The following ZNF483 variants were observed in gnomAD, a reference collection of about 807,000 sequenced individuals.
ZNF483 encodes zinc finger protein 483, also known as zinc finger protein HIT-10.
A neutral mutation model predicts 28.6 loss-of-function variants in ZNF483; 9 were observed. The observed-to-expected ratio is 0.32, with a 90% CI of 0.19 to 0.55. The LOEUF is 0.55. ZNF483 is among the 20% of genes least tolerant of loss of function. The pLI is 0.93. For missense variants in ZNF483, 675 were observed against 871.7 expected (o/e 0.77, Z 2.84); for synonymous variants, 322 against 306.2 (o/e 1.05, Z -0.54).
Position 111,550,350 on chromosome 9 carries a change from G to C in ZNF483, c.*7180G>C, listed in dbSNP as rs931493252. Among the ~76,000 whole-genome samples, 3 of 152,188 alleles carry C rather than the reference G, an allele frequency of 2.0e-5. No individual in the cohort carries two copies. The highest frequency in any genetic ancestry group is 2.9e-5 in the Non-Finnish European group (2 of 68,036). ...TGCTCTTTCTCTGTGATCAGAAGTAGATATCTGCAATCAGAACCCTGATAT... is the reference window on the plus strand; with the variant it reads ...TGCTCTTTCTCTGTGATCAGAAGTACATATCTGCAATCAGAACCCTGATAT... On this transcript the variant is annotated 3_prime_UTR_variant, in exon 6 of 6. Coordinates refer to ENST00000309235, the MANE Select transcript of ZNF483 (RefSeq NM_133464.5).
intron 2 of ZNF483, among the ~76,000 whole-genome samples, chr9:111,530,232 C>T (rs891280458): frequency 2.6e-5 from 4 of 152,150 alleles, no homozygotes; most frequent in African/African-American, 9.7e-5. Context: ...AAGGACACAG[C>T]TCATGAGAGT....
chr9:111,542,609 A>G lies in ZNF483; in HGVS notation c.1674A>G (p.Lys558=). The G allele has an allele frequency of 6.2e-7, 1 of 1,614,078 alleles. No individual in the cohort carries two copies. The highest frequency in any genetic ancestry group is 8.5e-7 in the Non-Finnish European group (1 of 1,180,000). Residue 558 remains lysine (K), a synonymous_variant, in exon 6 of 6, where the codon AAA becomes AAG. Coordinates refer to ENST00000309235, the MANE Select transcript of ZNF483 (RefSeq NM_133464.5). The surrounding 1 kb of genome is among the most constrained non-coding windows in gnomAD (Gnocchi z 6.2). ...EKPYTCSNCG[K]SFSHSSSLSK... ...CCTATACATGTAGCAATTGTGGAAA[A>G]TCCTTCAGTCATAGCTCATCCCTTT...
intron 1 of ZNF483, 48 bp from the exon 2 acceptor site, chr9:111,527,220 A>G (rs1827204463): frequency 3.3e-6 from 2 of 604,478 alleles, no homozygotes; most frequent in Non-Finnish European, 5.4e-6. Flanking sequence ...TTTAGGACTA[A>G]CAACAGTTTT....
rs1564604185 is a variant in ZNF483 at position 111,553,187 on chromosome 9, CT to C, written c.*10021del. 6.6e-6 allele frequency among the ~76,000 whole-genome samples: 1 copy of C among 152,112 alleles called. No individual in the cohort carries two copies. The highest frequency in any genetic ancestry group is 1.9e-4 in the East Asian group (1 of 5,200). On this transcript the variant is annotated 3_prime_UTR_variant, in exon 6 of 6. Coordinates refer to ENST00000309235, the MANE Select transcript of ZNF483 (RefSeq NM_133464.5). Reference sequence around the variant, plus strand: ...TATTATCTACTATGTATCTTTAACACTTTTGAATAGAACAAACAGCTTTTCC... The same window carrying C: ...TATTATCTACTATGTATCTTTAACACTTTGAATAGAACAAACAGCTTTTCC...
chr9:111,547,146 T>C lies in ZNF483; in HGVS notation c.*3976T>C, dbSNP rs1051913995. ...GCTATCAAGAATAACATTGCTATAA[T>C]CAGTGGTGCTTTCTGTTCTTTTAAG... On this transcript the variant is annotated 3_prime_UTR_variant, in exon 6 of 6. Coordinates refer to ENST00000309235, the MANE Select transcript of ZNF483 (RefSeq NM_133464.5). 1.3e-5 allele frequency among the ~76,000 whole-genome samples: 2 copies of C among 152,178 alleles called. No individual in the cohort carries two copies. Among genetic ancestry groups the C allele is most frequent in the Non-Finnish European group, 2.9e-5 (2 of 67,990 alleles).
At position 111,548,007 on chromosome 9, in the gene ZNF483, A is replaced by T. The variant is rs183059783; in HGVS notation, c.*4837A>T. On this transcript the variant is annotated 3_prime_UTR_variant, in exon 6 of 6. Coordinates refer to ENST00000309235, the MANE Select transcript of ZNF483 (RefSeq NM_133464.5). Reference sequence around the variant, plus strand: ...ATATGTTTGTCTTTATGCCAGTACCATGCTATTTTGATTACTCCAGTAATG... The same window carrying T: ...ATATGTTTGTCTTTATGCCAGTACCTTGCTATTTTGATTACTCCAGTAATG... Among the ~76,000 whole-genome samples, 86 of 152,152 alleles carry T rather than the reference A, an allele frequency of 5.7e-4. No homozygotes were observed. Among genetic ancestry groups the T allele is most frequent in the African/African-American group, 2.0e-3 (84 of 41,522 alleles).
In ZNF483 at chr9:111,543,241, T is replaced by TTA. The variant is rs1262619046; in HGVS notation, c.*72_*73dup. The TTA allele has an allele frequency of 6.6e-6, 10 of 1,522,036 alleles. No individual in the cohort carries two copies. Among genetic ancestry groups the TTA allele is most frequent in the Non-Finnish European group, 8.8e-6 (10 of 1,141,336 alleles). 94.3% of individuals were successfully genotyped at this position (1,522,036 alleles called of 1,614,324 possible). The stretch of plus-strand genomic sequence containing the variant: ...GTTACTGAAACCCTGGGATGTAAAC[T>TTA]TACAGTATTGATCAGTAGCTGCAGC... On this transcript the variant is annotated 3_prime_UTR_variant, in exon 6 of 6. Transcript: ENST00000309235.
At chr9:111,573,401 C>G (rs1288641902) in intron 5 of ZNF483, among the ~76,000 whole-genome samples, 1 of 152,208 alleles carries the variant, frequency 6.6e-6, no homozygotes, top group Non-Finnish European at 1.5e-5. Flanking sequence ...TCAGCCCCTT[C>G]CTTTCTAGCC....
intron 5 of ZNF483, 69 bp downstream of exon 5, chr9:111,534,422 G>GAAAT: frequency 1.5e-6 from 2 of 1,299,314 alleles, no homozygotes; most frequent in Non-Finnish European, 2.2e-6. Context: ...AAGACTCTTT[G>GAAAT]AAATGTTGGG....
rs1828085418 is a variant in ZNF483 at position 111,555,159 on chromosome 9, T to C, written c.*11989T>C. On this transcript the variant is annotated 3_prime_UTR_variant, in exon 6 of 6. Coordinates refer to ENST00000309235, the MANE Select transcript of ZNF483 (RefSeq NM_133464.5). ...ATCCTGTTTTTAGTCTTCTATCTTA[T>C]TTCCATCCTCCTCCAGGCCCAGGGT... is the stretch of plus-strand genomic sequence containing the variant. Among the ~76,000 whole-genome samples the C allele has an allele frequency of 6.6e-6, 1 of 152,156 alleles. No homozygotes were observed. The highest frequency in any genetic ancestry group is 2.4e-5 in the African/African-American group (1 of 41,426).
chr9:111,533,247 A>C (rs1011023101), intron 3 of ZNF483, among the ~76,000 whole-genome samples: 5 of 152,234 alleles, frequency 3.3e-5, no homozygotes, highest in African/African-American at 7.2e-5. Flanking sequence ...TACAGTATTT[A>C]ACACTAGAGA....
chr9:111,525,209 G>A lies in ZNF483; in HGVS notation c.-182G>A, dbSNP rs537773178. The A allele has an allele frequency of 6.6e-6, 1 of 152,322 alleles. No homozygotes were observed. Among genetic ancestry groups the A allele is most frequent in the Non-Finnish European group, 1.5e-5 (1 of 68,098 alleles). 9.4% of individuals were successfully genotyped at this position (152,322 alleles called of 1,614,324 possible). A position where few individuals can be genotyped will look rare whatever the true frequency, so the allele number is the denominator to read the frequency against. On this transcript the variant is annotated 5_prime_UTR_variant, in exon 1 of 6. Coordinates refer to ENST00000309235, the MANE Select transcript of ZNF483 (RefSeq NM_133464.5). ...TGCGCGCGCACTCGCTGCGGGACAAGCTTCTGGAAGCTCTTTGCGGTGGCG... is the reference window on the plus strand; with the variant it reads ...TGCGCGCGCACTCGCTGCGGGACAAACTTCTGGAAGCTCTTTGCGGTGGCG...
chr9:111,536,873 A>G (rs1827518547), intron 5 of ZNF483, among the ~76,000 whole-genome samples: 1 of 152,184 alleles, frequency 6.6e-6, no homozygotes, highest in Non-Finnish European at 1.5e-5. Context: ...GAAAAATGCT[A>G]TTAAGACAAG....
downstream of ZNF483, among the ~76,000 whole-genome samples, chr9:111,559,812 G>C (rs1828223469): frequency 6.6e-6 from 1 of 152,106 alleles, no homozygotes; most frequent in Admixed American, 6.5e-5. Flanking sequence ...TGAATAGTTT[G>C]GTAAGAAAAG....
chr9:111,550,664 A>T lies in ZNF483; in HGVS notation c.*7494A>T, dbSNP rs1827913351. 6.6e-6 allele frequency among the ~76,000 whole-genome samples: 1 copy of T among 152,146 alleles called. No individual in the cohort carries two copies. ...GGTGGATTCCTGGGCCACTCTATCCATGTCTTTGATTTTTCCTGCTTTCTT... is the reference window on the plus strand; with the variant it reads ...GGTGGATTCCTGGGCCACTCTATCCTTGTCTTTGATTTTTCCTGCTTTCTT... On this transcript the variant is annotated 3_prime_UTR_variant, in exon 6 of 6. Coordinates refer to ENST00000309235, the MANE Select transcript of ZNF483 (RefSeq NM_133464.5).
chr9:111,556,187 A>T (rs1255368332), downstream of ZNF483, among the ~76,000 whole-genome samples: 1 of 152,206 alleles, frequency 6.6e-6, no homozygotes, highest in Non-Finnish European at 1.5e-5. Context: ...ATAGCTCCAT[A>T]ATAATCTTTG....
At chr9:111,558,362 A>G (rs911416478), downstream of ZNF483, among the ~76,000 whole-genome samples, 3 of 151,902 alleles carry the variant, frequency 2.0e-5, no homozygotes, top group Non-Finnish European at 4.4e-5. Context: ...TTATTCTTTG[A>G]GCACTTCTTT....
intron 1 of ZNF483, among the ~76,000 whole-genome samples, chr9:111,526,323 G>T (rs1483813095): frequency 6.6e-6 from 1 of 152,146 alleles, no homozygotes. Context: ...GAGCTCAAGA[G>T]GTGAGGTCAT....
At chr9:111,572,370 A>G (rs2065103) in intron 5 of ZNF483, among the ~76,000 whole-genome samples, 112,178 of 152,022 alleles carry the variant, frequency 0.74, 42,297 homozygotes, top group African/African-American at 0.87. Flanking sequence ...TGAAGGGAGC[A>G]GATCACGAGG....
Sources: allele counts gnomAD v4.1 joint callset (sites outside exome capture counted in the v4.1 genomes callset), GRCh38; gene constraint gnomAD v4.1.1; non-coding constraint Gnocchi (gnomAD v3.1); transcripts MANE v1.5; gene names NCBI Gene and HGNC (gene_info 2026-07-23, HGNC 2026-07-21).